Variants in SPECC1 observed in about 807,000 individuals in gnomAD.
SPECC1 encodes sperm antigen with calponin homology and coiled-coil domains 1.
Under a neutral mutation model 104.1 loss-of-function variants are expected in SPECC1, and 62 were observed. That is an observed-to-expected ratio of 0.60 (90% CI 0.49 to 0.74). SPECC1 has a LOEUF of 0.74. Among genes scored for constraint, SPECC1 ranks in the 30% least tolerant of loss-of-function variants. The pLI is 0.00. For missense variants in SPECC1, 1,306 were observed against 1,310.5 expected (o/e 1.00, Z 0.05); for synonymous variants, 513 against 501.6 (o/e 1.02, Z -0.30).
chr17:20,048,480 A>G (rs1038380752), intron 1 of SPECC1, among the ~76,000 whole-genome samples: 2 of 152,058 alleles, frequency 1.3e-5, no homozygotes, highest in Admixed American at 1.3e-4. Flanking sequence ...TTTGTTCAGC[A>G]AATTCCTGTC....
chr17:20,024,239 C>T (rs2044511444), intron 1 of SPECC1, among the ~76,000 whole-genome samples: 1 of 152,172 alleles, frequency 6.6e-6, no homozygotes, highest in African/African-American at 2.4e-5. Context: ...ATGCATTGTG[C>T]CTTCAGGTTG....
chr17:20,024,378 C>T (rs1295203757), intron 1 of SPECC1, among the ~76,000 whole-genome samples: 1 of 152,162 alleles, frequency 6.6e-6, no homozygotes, highest in Non-Finnish European at 1.5e-5. Context: ...TTTCTCTTCT[C>T]TTCTAGTCCA....
chr17:20,155,570 GTTAT>G (rs771229510), intron 3 of SPECC1: 3 of 152,242 alleles, frequency 2.0e-5, no homozygotes, highest in Non-Finnish European at 2.9e-5. Context: ...CTTTGTTAGC[GTTAT>G]TTTTCTTCAC....
In SPECC1 at chr17:20,009,688, G is replaced by A. The variant is rs1265797440; in HGVS notation, c.-22+264G>A. Among the ~76,000 whole-genome samples, 1 of 152,126 alleles carries A rather than the reference G, an allele frequency of 6.6e-6. No individual in the cohort carries two copies. Among genetic ancestry groups the A allele is most frequent in the African/African-American group, 2.4e-5 (1 of 41,456 alleles). Reference sequence around the variant, plus strand: ...GGGACCGGTGCCGCAGGTGGCAGCGGCAGGTGGCCGCCTCCTCCCCTCCGG... The same window carrying A: ...GGGACCGGTGCCGCAGGTGGCAGCGACAGGTGGCCGCCTCCTCCCCTCCGG... On this transcript the variant is annotated intron_variant, in intron 1 of 14. Coordinates refer to ENST00000395527, the MANE Select transcript of SPECC1 (RefSeq NM_001243439.2). The surrounding 1 kb of genome is among the most constrained non-coding windows in gnomAD (Gnocchi z 5.2).
intron 9 of SPECC1, among the ~76,000 whole-genome samples, chr17:20,248,842 C>T (rs961940546): frequency 1.3e-5 from 2 of 152,076 alleles, no homozygotes; most frequent in African/African-American, 2.4e-5. Flanking sequence ...AGAAATTTTA[C>T]ATGTTTGTGT....
chr17:20,254,492 C>T (rs1201720549), intron 10 of SPECC1, among the ~76,000 whole-genome samples: 2 of 152,152 alleles, frequency 1.3e-5, no homozygotes, highest in African/African-American at 2.4e-5. Flanking sequence ...GGGTGTGTGG[C>T]AAGCACTGTG....
At chr17:20,085,017 C>G (rs111638228) in intron 1 of SPECC1, among the ~76,000 whole-genome samples, 3,814 of 152,328 alleles carry the variant, frequency 0.025, 164 homozygotes, top group African/African-American at 0.086. Context: ...TGAGGTTTAC[C>G]AGACAGTAGA....
At chr17:20,164,405 G>A (rs1390072371) in intron 3 of SPECC1, among the ~76,000 whole-genome samples, 4 of 151,860 alleles carry the variant, frequency 2.6e-5, no homozygotes, top group Non-Finnish European at 5.9e-5. Flanking sequence ...GGCCTCAAGC[G>A]GTCCTCTCAC....
At chr17:20,199,153 T>C (rs2151318081) in intron 3 of SPECC1, among the ~76,000 whole-genome samples, 1 of 148,404 alleles carries the variant, frequency 6.7e-6, no homozygotes, top group East Asian at 2.0e-4. Flanking sequence ...GTAGTCTGAT[T>C]TCAGCTCACT....
intron 2 of SPECC1, among the ~76,000 whole-genome samples, chr17:20,103,962 G>C (rs954387319): frequency 1.3e-5 from 2 of 152,174 alleles, no homozygotes; most frequent in African/African-American, 4.8e-5. Flanking sequence ...CCTCTGCTCA[G>C]GACCCATTGT....
intron 7 of SPECC1, among the ~76,000 whole-genome samples, chr17:20,233,099 T>C (rs532559769): frequency 2.0e-5 from 3 of 152,252 alleles, no homozygotes; most frequent in South Asian, 4.1e-4. Context: ...CAGACAAATT[T>C]ATAAACAGCA....
intron 2 of SPECC1, among the ~76,000 whole-genome samples, chr17:20,103,195 G>C (rs1048457643): frequency 6.6e-6 from 1 of 152,148 alleles, no homozygotes; most frequent in African/African-American, 2.4e-5. Context: ...CTTCAGCCTG[G>C]TGTTGCTGTG....
chr17:20,109,147 C>T (rs1213179684), intron 2 of SPECC1, among the ~76,000 whole-genome samples: 1 of 152,178 alleles, frequency 6.6e-6, no homozygotes, highest in Non-Finnish European at 1.5e-5. Context: ...TTAAATGATG[C>T]AAAGATGGAA....
At chr17:20,282,102 T>C (rs2151673651) in intron 12 of SPECC1, among the ~76,000 whole-genome samples, 1 of 152,354 alleles carries the variant, frequency 6.6e-6, no homozygotes, top group East Asian at 1.9e-4. Flanking sequence ...AACCAGACCC[T>C]GTGTCACAAT....
At position 20,315,905 on chromosome 17, in the gene SPECC1, T is replaced by A. The variant is rs1432896694; in HGVS notation, c.*1840T>A. The stretch of plus-strand genomic sequence containing the variant: ...CTGCCCTAGTTGGTTAACTTCAGAA[T>A]GTCTGGAATGGGACCAGAGATGCAG... On this transcript the variant is annotated 3_prime_UTR_variant, in exon 15 of 15. Coordinates refer to ENST00000395527, the MANE Select transcript of SPECC1 (RefSeq NM_001243439.2). 4.3e-6 allele frequency: 1 copy of A among 232,500 alleles called. No individual in the cohort carries two copies. Among genetic ancestry groups the A allele is most frequent in the Non-Finnish European group, 8.5e-6 (1 of 117,642 alleles). The allele number at this position is 232,500 out of a possible 1,614,324, so 14.4% of individuals were successfully genotyped here. A position where few individuals can be genotyped will look rare whatever the true frequency, so the allele number is the denominator to read the frequency against.
chr17:20,273,230 T>TCCC (rs1194350921), intron 12 of SPECC1, among the ~76,000 whole-genome samples: 5 of 152,122 alleles, frequency 3.3e-5, no homozygotes, highest in Admixed American at 2.6e-4. Context: ...ACCCCTGTAG[T>TCCC]CCCAGCACTT....
At chr17:20,239,107 A>G in intron 7 of SPECC1, 3 of 1,029,194 alleles carry the variant, frequency 2.9e-6, no homozygotes, top group Non-Finnish European at 3.5e-6. Flanking sequence ...TGGAGTAAAA[A>G]TGCTAATTTT....
At chr17:20,049,726 A>T (rs1194107029) in intron 1 of SPECC1, among the ~76,000 whole-genome samples, 1 of 152,050 alleles carries the variant, frequency 6.6e-6, no homozygotes, top group Non-Finnish European at 1.5e-5. Flanking sequence ...TTTTTATATT[A>T]TAGGCATTCC....
intron 3 of SPECC1, among the ~76,000 whole-genome samples, chr17:20,130,961 T>G (rs9897168): frequency 0.12 from 18,323 of 152,170 alleles, 1,102 homozygotes; most frequent in Non-Finnish European, 0.13. Flanking sequence ...TACACCTAAG[T>G]ATTTATTTTT....
Sources: allele counts gnomAD v4.1 joint callset (sites outside exome capture counted in the v4.1 genomes callset), GRCh38; gene constraint gnomAD v4.1.1; non-coding constraint Gnocchi (gnomAD v3.1); transcripts MANE v1.5; gene names NCBI Gene and HGNC (gene_info 2026-07-23, HGNC 2026-07-21).